Variants in SLC25A13 observed in about 807,000 individuals in gnomAD.
The protein encoded by SLC25A13 is solute carrier family 25 member 13.
Under a neutral mutation model 85.5 loss-of-function variants are expected in SLC25A13, and 70 were observed. The observed-to-expected ratio is 0.82, with a 90% CI of 0.68 to 1.00. SLC25A13 has a LOEUF of 1.00. SLC25A13 is among the 50% of genes least tolerant of loss of function. SLC25A13 has a pLI of 0.00. For missense variants in SLC25A13, 765 were observed against 819.8 expected, an observed-to-expected ratio of 0.93 and a Z score of 0.82; for synonymous variants, 259 against 288.7, an observed-to-expected ratio of 0.90 and a Z score of 1.04.
intron 3 of SLC25A13, among the ~76,000 whole-genome samples, chr7:96,244,666 C>T (rs1348376308): frequency 6.6e-6 from 1 of 152,152 alleles, no homozygotes; most frequent in East Asian, 1.9e-4. Context: ...ACCCTGGCTC[C>T]AGAAAGGACC....
chr7:96,169,760 CAAAG>C (rs1793922150), intron 13 of SLC25A13: 3 of 446,612 alleles, frequency 6.7e-6, no homozygotes, highest in Non-Finnish European at 1.2e-5. Context: ...AAAGATTTTT[CAAAG>C]GCCAAACACT....
chr7:96,289,250 C>T (rs1415243323), intron 2 of SLC25A13, among the ~76,000 whole-genome samples: 1 of 152,152 alleles, frequency 6.6e-6, no homozygotes, highest in East Asian at 1.9e-4. Flanking sequence ...ACCAAAACCC[C>T]ATCTGTACGT....
intron 3 of SLC25A13, among the ~76,000 whole-genome samples, chr7:96,238,620 G>A (rs1163181120): frequency 1.3e-5 from 2 of 151,912 alleles, no homozygotes; most frequent in African/African-American, 4.8e-5. Flanking sequence ...GGAATTCACC[G>A]ACAGGCCCGC....
intron 13 of SLC25A13, among the ~76,000 whole-genome samples, chr7:96,159,481 C>G (rs1793417509): frequency 6.6e-6 from 1 of 152,116 alleles, no homozygotes; most frequent in South Asian, 2.1e-4. Flanking sequence ...CGTGAGGACA[C>G]AGTGAGAAGG....
intron 5 of SLC25A13, among the ~76,000 whole-genome samples, chr7:96,203,542 G>A (rs889259526): frequency 9.2e-5 from 14 of 152,196 alleles, no homozygotes; most frequent in African/African-American, 3.1e-4. Flanking sequence ...TAAGGTGACT[G>A]TAAGGACAAA....
At chr7:96,131,994 T>G in intron 14 of SLC25A13, 113 bp from the exon 15 acceptor site, 277 of 1,224,078 alleles carry the variant, frequency 2.3e-4, no homozygotes, top group Non-Finnish European at 2.9e-4. Flanking sequence ...ACCAAATTTG[T>G]ACTCACACAT....
chr7:96,224,019 A>G (rs182061716), intron 4 of SLC25A13, among the ~76,000 whole-genome samples: 108 of 152,222 alleles, frequency 7.1e-4, no homozygotes, highest in Non-Finnish European at 1.1e-3. Flanking sequence ...AAAACCCACA[A>G]TGGAAATGTT....
At chr7:96,273,154 A>G (rs1798311221) in intron 3 of SLC25A13, among the ~76,000 whole-genome samples, 2 of 152,226 alleles carry the variant, frequency 1.3e-5, no homozygotes, top group Admixed American at 1.3e-4. Context: ...CCTGAATTGA[A>G]TCAGACAATG....
intron 1 of SLC25A13, among the ~76,000 whole-genome samples, chr7:96,310,748 T>C (rs1241908606): frequency 1.3e-5 from 2 of 152,222 alleles, no homozygotes; most frequent in African/African-American, 4.8e-5. Context: ...AGAAACTTTA[T>C]CAGTCTATTC....
chr7:96,250,739 C>CAAAAAAA lies in SLC25A13; in HGVS notation c.213-15829_213-15823dup, dbSNP rs57574466. Among the ~76,000 whole-genome samples, 64 of 118,368 alleles carry CAAAAAAA rather than the reference C, an allele frequency of 5.4e-4. 2 individuals are homozygous for CAAAAAAA. Among genetic ancestry groups the CAAAAAAA allele is most frequent in the African/African-American group, 1.8e-3 (55 of 31,036 alleles). 77.7% of individuals were successfully genotyped at this position (118,368 alleles called of 152,430 possible). Reference sequence around the variant, plus strand: ...TTTGCTAAAAGTTTTAGACCTGTTACAAAAAAAAAAAAAGAGGCTCCATAA... The same window carrying CAAAAAAA: ...TTTGCTAAAAGTTTTAGACCTGTTACAAAAAAAAAAAAAAAAAAAAGAGGCTCCATAA... On this transcript the variant is annotated intron_variant, in intron 3 of 17. Coordinates refer to ENST00000265631, the MANE Select transcript of SLC25A13 (RefSeq NM_014251.3).
intron 4 of SLC25A13, among the ~76,000 whole-genome samples, chr7:96,221,820 A>G (rs998821790): frequency 6.6e-6 from 1 of 152,172 alleles, no homozygotes; most frequent in African/African-American, 2.4e-5. Flanking sequence ...AAGCACACCA[A>G]TTTCATCATA....
intron 4 of SLC25A13, among the ~76,000 whole-genome samples, chr7:96,226,350 T>C (rs1285908013): frequency 6.6e-6 from 1 of 152,226 alleles, no homozygotes. Context: ...CAGGACTTTA[T>C]GGCTGAATAA....
intron 3 of SLC25A13, among the ~76,000 whole-genome samples, chr7:96,243,158 G>A (rs973521166): frequency 3.3e-5 from 5 of 152,134 alleles, no homozygotes; most frequent in Non-Finnish European, 5.9e-5. Context: ...TAGAGACAGG[G>A]TTTCACCATG....
At chr7:96,259,882 G>A (rs889662810) in intron 3 of SLC25A13, among the ~76,000 whole-genome samples, 4 of 152,078 alleles carry the variant, frequency 2.6e-5, no homozygotes, top group African/African-American at 9.7e-5. Flanking sequence ...CCACAAGAAA[G>A]AATGAGTTCA....
intron 2 of SLC25A13, among the ~76,000 whole-genome samples, chr7:96,292,478 G>A (rs1005581481): frequency 1.3e-4 from 20 of 152,184 alleles, no homozygotes; most frequent in African/African-American, 4.3e-4. Flanking sequence ...TAGGAAAAGA[G>A]GAAGTCAAAT....
At chr7:96,126,800 C>CA (rs1791747305) in intron 15 of SLC25A13, among the ~76,000 whole-genome samples, 1 of 152,180 alleles carries the variant, frequency 6.6e-6, no homozygotes, top group African/African-American at 2.4e-5. Context: ...TTTGGGAAGA[C>CA]AGGAGAGATG....
chr7:96,248,938 T>C (rs1432887515), intron 3 of SLC25A13, among the ~76,000 whole-genome samples: 3 of 152,194 alleles, frequency 2.0e-5, no homozygotes, highest in African/African-American at 4.8e-5. Flanking sequence ...TAAAACTAAA[T>C]TGTATAAACG....
intron 3 of SLC25A13, among the ~76,000 whole-genome samples, chr7:96,247,508 G>A (rs1338762201): frequency 6.6e-6 from 1 of 152,030 alleles, no homozygotes; most frequent in African/African-American, 2.4e-5. Flanking sequence ...GCTTTAAAAT[G>A]TACTCGATCC....
chr7:96,219,817 G>C, intron 4 of SLC25A13: 1 of 502,380 alleles, frequency 2.0e-6, no homozygotes, highest in Non-Finnish European at 4.1e-6. Context: ...CACTATTTAA[G>C]TCATCATAGT....
Sources: gnomAD v4.1 joint callset for allele counts (sites outside exome capture counted in the v4.1 genomes callset) on GRCh38, gnomAD v4.1.1 for gene constraint, MANE v1.5 for transcripts, NCBI Gene and HGNC (gene_info 2026-07-23, HGNC 2026-07-21) for gene names.